Variants in L3MBTL4 observed in about 807,000 individuals in gnomAD.
The protein encoded by L3MBTL4 is L3MBTL histone methyl-lysine binding protein 4, also known as lethal(3)malignant brain tumor-like protein 4.
In L3MBTL4, 70 loss-of-function variants were observed where a neutral mutation model predicts 84.5. The observed-to-expected ratio is 0.83, with a 90% confidence interval of 0.68 to 1.01. The LOEUF is 1.01. L3MBTL4 is among the 50% of genes least tolerant of loss of function. L3MBTL4 has a pLI of 0.00. For missense variants in L3MBTL4, 715 were observed against 754.8 expected (o/e 0.95, Z 0.62); for synonymous variants, 274 against 259.8 (o/e 1.05, Z -0.52).
At chr18:6,190,184 G>A (rs557429792) in intron 12 of L3MBTL4, among the ~76,000 whole-genome samples, 11 of 152,242 alleles carry the variant, frequency 7.2e-5, no homozygotes, top group South Asian at 2.1e-4. Context: ...CTGTATGACC[G>A]CATTCATAAG....
intron 1 of L3MBTL4, chr18:6,397,841 G>A (rs903858032): frequency 6.6e-6 from 1 of 152,130 alleles, no homozygotes; most frequent in African/African-American, 2.4e-5. Flanking sequence ...GGGTGACAGA[G>A]CAAGACCCTG....
intron 1 of L3MBTL4, among the ~76,000 whole-genome samples, chr18:6,322,912 A>C (rs2051503151): frequency 6.6e-6 from 1 of 152,120 alleles, no homozygotes; most frequent in Non-Finnish European, 1.5e-5. Flanking sequence ...TCAGTGTTGG[A>C]GGTGGGGCCT....
At position 5,956,023 on chromosome 18, in the gene L3MBTL4, G is replaced by T; in HGVS notation, c.*197C>A. ...ATGTTCGTAAACCAAACCCACAGAT[G>T]GGCCTAAGCCTCTGAGTCATTGGCA... On this transcript the variant is annotated 3_prime_UTR_variant, in exon 19 of 19. Coordinates refer to ENST00000317931, the MANE Select transcript of L3MBTL4 (RefSeq NM_001330559.2). 3.9e-6 allele frequency: 2 copies of T among 512,898 alleles called. No homozygotes were observed. The highest frequency in any genetic ancestry group is 6.8e-6 in the Non-Finnish European group (2 of 293,448). The allele number at this position is 512,898 out of a possible 1,614,324, so 31.8% of individuals were successfully genotyped here.
chr18:6,121,482 A>G (rs901288017), intron 14 of L3MBTL4, among the ~76,000 whole-genome samples: 1 of 152,204 alleles, frequency 6.6e-6, no homozygotes, highest in Non-Finnish European at 1.5e-5. Context: ...AGATGAAGGG[A>G]TAATTAAAAT....
At chr18:5,996,423 C>G (rs574124105) in intron 16 of L3MBTL4, among the ~76,000 whole-genome samples, 3 of 152,134 alleles carry the variant, frequency 2.0e-5, no homozygotes, top group East Asian at 1.9e-4. Flanking sequence ...GTGAGCTGTA[C>G]GTTTTTGTTT....
At chr18:6,410,282 C>T (rs1263471445) in intron 1 of L3MBTL4, among the ~76,000 whole-genome samples, 2 of 152,250 alleles carry the variant, frequency 1.3e-5, no homozygotes, top group Non-Finnish European at 2.9e-5. Flanking sequence ...TACTCATCCT[C>T]AGGCACCTTT....
At chr18:5,958,880 G>T (rs2095247780) in intron 18 of L3MBTL4, among the ~76,000 whole-genome samples, 1 of 150,798 alleles carries the variant, frequency 6.6e-6, no homozygotes, top group Non-Finnish European at 1.5e-5. Flanking sequence ...AATTCAACCT[G>T]CAAAAAGCCA....
intron 1 of L3MBTL4, among the ~76,000 whole-genome samples, chr18:6,363,586 A>T (rs906122537): frequency 6.6e-6 from 1 of 152,216 alleles, no homozygotes; most frequent in Non-Finnish European, 1.5e-5. Context: ...CTGAGGGCTT[A>T]CTCCTTGCCA....
At chr18:6,067,087 C>T (rs1415497976) in intron 16 of L3MBTL4, among the ~76,000 whole-genome samples, 1 of 152,120 alleles carries the variant, frequency 6.6e-6, no homozygotes, top group African/African-American at 2.4e-5. Context: ...AAATTCTTGG[C>T]TTACAATTAT....
chr18:6,145,019 G>T (rs993616719), intron 13 of L3MBTL4, among the ~76,000 whole-genome samples: 2 of 152,112 alleles, frequency 1.3e-5, no homozygotes, highest in Non-Finnish European at 2.9e-5. Flanking sequence ...TAATTTTTGT[G>T]TTACTTGCTG....
At chr18:6,239,002 T>C (rs2146091541) in intron 9 of L3MBTL4, among the ~76,000 whole-genome samples, 1 of 152,252 alleles carries the variant, frequency 6.6e-6, no homozygotes, top group African/African-American at 2.4e-5. Context: ...CCCCATAGGC[T>C]TTCGAAGAAT....
chr18:6,110,480 G>GT (rs2059156226), intron 14 of L3MBTL4, among the ~76,000 whole-genome samples: 1 of 151,478 alleles, frequency 6.6e-6, no homozygotes, highest in South Asian at 2.1e-4. Context: ...GCATGGGTGG[G>GT]TGGGTGTGTA....
intron 1 of L3MBTL4, among the ~76,000 whole-genome samples, chr18:6,402,012 C>T (rs1225176031): frequency 1.3e-5 from 2 of 152,362 alleles, no homozygotes; most frequent in East Asian, 1.9e-4. Flanking sequence ...AAGCCCATAG[C>T]TTCAAGTGGC....
intron 7 of L3MBTL4, among the ~76,000 whole-genome samples, chr18:6,242,345 G>A (rs1402038898): frequency 4.6e-5 from 7 of 152,140 alleles, no homozygotes; most frequent in Admixed American, 3.9e-4. Context: ...TCCACAGAGA[G>A]GCCTTTCTCC....
At chr18:6,302,075 C>A (rs1260402050) in intron 3 of L3MBTL4, 118 bp from the exon 4 acceptor site, 3 of 849,238 alleles carry the variant, frequency 3.5e-6, no homozygotes, top group Non-Finnish European at 6.2e-6. Context: ...CTGAGGCGGA[C>A]AACGCACACA....
chr18:6,040,665 T>A (rs530289112), intron 16 of L3MBTL4, among the ~76,000 whole-genome samples: 1 of 152,336 alleles, frequency 6.6e-6, no homozygotes, highest in African/African-American at 2.4e-5. Flanking sequence ...AGGAGTCCTT[T>A]GAGTGGCTTA....
At chr18:6,231,391 T>C (rs2046993767) in intron 10 of L3MBTL4, among the ~76,000 whole-genome samples, 2 of 152,128 alleles carry the variant, frequency 1.3e-5, no homozygotes, top group African/African-American at 4.8e-5. Flanking sequence ...TAGTTGTAGG[T>C]GTATGGCTTT....
chr18:6,035,476 T>C (rs1016060271), intron 16 of L3MBTL4, among the ~76,000 whole-genome samples: 4 of 151,382 alleles, frequency 2.6e-5, no homozygotes, highest in African/African-American at 9.7e-5. Flanking sequence ...CGGCGTTATT[T>C]CTGAGGGCTC....
intron 16 of L3MBTL4, among the ~76,000 whole-genome samples, chr18:5,981,235 TA>T (rs1433049733): frequency 1.3e-5 from 2 of 152,160 alleles, no homozygotes; most frequent in African/African-American, 4.8e-5. Context: ...AAAATAAAAT[TA>T]AGGCTAGTCT....
Sources: allele counts gnomAD v4.1 joint callset (sites outside exome capture counted in the v4.1 genomes callset), GRCh38; gene constraint gnomAD v4.1.1; transcripts MANE v1.5; gene names NCBI Gene and HGNC (gene_info 2026-07-23, HGNC 2026-07-21).